Variants in ZNF331 observed in about 807,000 individuals in gnomAD.
ZNF331 encodes C2H2-like zinc finger protein rearranged in thyroid adenomas.
In ZNF331, 2 loss-of-function variants were observed where a neutral mutation model predicts 7.0. The observed-to-expected ratio is 0.29, with a 90% CI of 0.12 to 0.90. The LOEUF is 0.90. Among genes scored for constraint, ZNF331 ranks in the 40% least tolerant of loss-of-function variants. The pLI, the probability that ZNF331 is intolerant of heterozygous loss-of-function variation, is 0.58. For missense variants in ZNF331, 432 were observed against 587.7 expected (o/e 0.74, Z 2.74); for synonymous variants, 196 against 205.4 (o/e 0.95, Z 0.39).
At position 53,577,320 on chromosome 19, in the gene ZNF331, C is replaced by A. The variant is rs767407856; in HGVS notation, c.760C>A (p.Arg254Ser). ...ECKDCGKTFSRVYKLIQHKRI... is the reference protein window; with the variant it reads ...ECKDCGKTFSSVYKLIQHKRI... ...CAAAGACTGTGGGAAGACCTTTAGCCGTGTGTATAAACTTATTCAGCACAA... is the reference window on the plus strand; with the variant it reads ...CAAAGACTGTGGGAAGACCTTTAGCAGTGTGTATAAACTTATTCAGCACAA... Residue 254 changes from arginine (R) to serine (S), a missense_variant, in exon 6 of 6, where the codon CGT becomes AGT. Arg to Ser is a moderately radical substitution (Grantham distance 110). Coordinates refer to ENST00000449416, the MANE Select transcript of ZNF331 (RefSeq NM_001079906.2). The A allele has an allele frequency of 6.2e-7, 1 of 1,611,956 alleles. No homozygotes were observed. The highest frequency in any genetic ancestry group is 8.5e-7 in the Non-Finnish European group (1 of 1,179,568).
At chr19:53,565,988 G>A (rs373488293) in intron 3 of ZNF331, among the ~76,000 whole-genome samples, 4 of 152,096 alleles carry the variant, frequency 2.6e-5, no homozygotes, top group Non-Finnish European at 4.4e-5. Flanking sequence ...TCAAGATCAC[G>A]GGGTGTGTCA....
chr19:53,546,139 G>GAAA, intron 2 of ZNF331, among the ~76,000 whole-genome samples: 1 of 29,880 alleles, frequency 3.3e-5, no homozygotes, highest in South Asian at 9.7e-4. Flanking sequence ...ATCCTGAGGG[G>GAAA]GAAAAAAAAA....
chr19:53,564,722 A>T (rs1313710743), intron 3 of ZNF331, among the ~76,000 whole-genome samples: 1 of 152,138 alleles, frequency 6.6e-6, no homozygotes, highest in Non-Finnish European at 1.5e-5. Flanking sequence ...CTACTATGAG[A>T]TATTTCAGTT....
At chr19:53,544,141 C>T (rs189767215) in intron 2 of ZNF331, among the ~76,000 whole-genome samples, 1,738 of 143,976 alleles carry the variant, frequency 0.012, 12 homozygotes, top group Middle Eastern at 0.054. Flanking sequence ...GCAGGAGAAT[C>T]GCTTGAACCC....
chr19:53,546,156 A>G (rs1329589514), intron 2 of ZNF331, among the ~76,000 whole-genome samples: 1 of 148,440 alleles, frequency 6.7e-6, no homozygotes, highest in South Asian at 2.1e-4. Flanking sequence ...AAAAAAAAAA[A>G]AAAAATTATT....
chr19:53,577,705 C>G lies in ZNF331; in HGVS notation c.1145C>G (p.Pro382Arg), dbSNP rs1490746878. ...GAGAGAATCCACACAGGCGAAACCC[C>G]GTATAAATGTAAGGAGTGTGGGAAG... is the stretch of plus-strand genomic sequence containing the variant. ...QHERIHTGET[P>R]YKCKECGKAF... Residue 382 changes from proline (P) to arginine (R), a missense_variant, in exon 6 of 6, where the codon CCG becomes CGG. Coordinates refer to ENST00000449416, the MANE Select transcript of ZNF331 (RefSeq NM_001079906.2). The G allele has an allele frequency of 6.2e-7, 1 of 1,614,084 alleles. No individual in the cohort carries two copies. Among genetic ancestry groups the G allele is most frequent in the Non-Finnish European group, 8.5e-7 (1 of 1,180,052 alleles).
the ZNF331 span, among the ~76,000 whole-genome samples, chr19:53,505,621 G>A: frequency 1.3e-5 from 2 of 152,184 alleles, no homozygotes; most frequent in African/African-American, 4.8e-5. Context: ...GTGAAGTGTG[G>A]CTGCAAACAG....
At chr19:53,545,922 A>G (rs1410108990) in intron 2 of ZNF331, among the ~76,000 whole-genome samples, 1 of 152,054 alleles carries the variant, frequency 6.6e-6, no homozygotes, top group Non-Finnish European at 1.5e-5. Context: ...CGGGAGCATC[A>G]CGTGTTCTAG....
rs1005769398 is a variant in ZNF331, at chr19:53,542,123, G to A, written c.-138+2841G>A. On this transcript the variant is annotated intron_variant, in intron 2 of 5. Coordinates refer to ENST00000449416, the MANE Select transcript of ZNF331 (RefSeq NM_001079906.2). ...TGAATCTTGCTAATTCATCATAAATGAGTCAGAGACTCCAAATCTTAATTT... is the reference window on the plus strand; with the variant it reads ...TGAATCTTGCTAATTCATCATAAATAAGTCAGAGACTCCAAATCTTAATTT... Among the ~76,000 whole-genome samples, 4 of 152,214 alleles carry A rather than the reference G, an allele frequency of 2.6e-5. No individual in the cohort carries two copies. The East Asian group carries it at 5.8e-4, about 22-fold the overall frequency.
At chr19:53,540,295 G>C (rs1417845114) in intron 2 of ZNF331, among the ~76,000 whole-genome samples, 1 of 152,204 alleles carries the variant, frequency 6.6e-6, no homozygotes, top group Non-Finnish European at 1.5e-5. Context: ...AGCATGGTCA[G>C]GTTCTGATGA....
chr19:53,526,339 A>T (rs909768079), intron 2 of ZNF331, among the ~76,000 whole-genome samples: 3 of 152,136 alleles, frequency 2.0e-5, no homozygotes, highest in Non-Finnish European at 4.4e-5. Flanking sequence ...TTTGAGAAGC[A>T]TTGTATTAGG....
At chr19:53,548,052 C>G (rs995528174) in intron 2 of ZNF331, among the ~76,000 whole-genome samples, 2 of 152,054 alleles carry the variant, frequency 1.3e-5, no homozygotes, top group Non-Finnish European at 2.9e-5. Flanking sequence ...ACCTCAGCCT[C>G]CCAAGTAGCT....
At chr19:53,531,881 A>G in intron 2 of ZNF331, among the ~76,000 whole-genome samples, 1 of 152,176 alleles carries the variant, frequency 6.6e-6, no homozygotes, top group East Asian at 1.9e-4. Context: ...TTCAGCAGTA[A>G]AGGGATTTAT....
At chr19:53,508,084 T>A in the ZNF331 span, among the ~76,000 whole-genome samples, 1 of 152,206 alleles carries the variant, frequency 6.6e-6, no homozygotes, top group African/African-American at 2.4e-5. Flanking sequence ...AACAGTTGCA[T>A]CCGTGATTTA....
the ZNF331 span, among the ~76,000 whole-genome samples, chr19:53,514,207 G>GT: frequency 0.11 from 16,146 of 149,768 alleles, 986 homozygotes; most frequent in Middle Eastern, 0.19. Context: ...TTTTTTCTCT[G>GT]TTTTTTTTTG....
At chr19:53,523,312 G>A (rs535111508) in intron 2 of ZNF331, 12 of 151,674 alleles carry the variant, frequency 7.9e-5, no homozygotes, top group African/African-American at 2.9e-4. Flanking sequence ...TCTGCGTCCT[G>A]GGTTGCAGCG....
chr19:53,555,345 G>A (rs2089318886), intron 2 of ZNF331: 1 of 150,440 alleles, frequency 6.6e-6, no homozygotes, highest in Non-Finnish European at 1.5e-5. Flanking sequence ...TGACGCAGGT[G>A]TGTGTGACAA....
chr19:53,509,595 A>G, the ZNF331 span, among the ~76,000 whole-genome samples: 96 of 152,342 alleles, frequency 6.3e-4, no homozygotes, highest in African/African-American at 2.3e-3. Context: ...GAGATTATTT[A>G]GAGCAGGCAG....
In ZNF331 at chr19:53,539,513, A is replaced by G. The variant is rs1350613392; in HGVS notation, c.-138+231A>G. 1 of 152,090 alleles carries G rather than the reference A, an allele frequency of 6.6e-6. No individual in the cohort carries two copies. The highest frequency in any genetic ancestry group is 1.5e-5 in the Non-Finnish European group (1 of 68,018). The allele number at this position is 152,090 out of a possible 1,614,324, so 9.4% of individuals were successfully genotyped here. A position where few individuals can be genotyped will look rare whatever the true frequency, so the allele number is the denominator to read the frequency against. ...TGCTGCTGTTTTGTGCTAAGTCTGG[A>G]TGTCTGTACATCAGGAGCAACGTAC... On this transcript the variant is annotated intron_variant, in intron 2 of 5. Transcript: ENST00000449416. This position sits in a 1 kb window ranked among gnomAD's most constrained non-coding sequence, Gnocchi z 6.1.
Sources: allele counts gnomAD v4.1 joint callset (sites outside exome capture counted in the v4.1 genomes callset), GRCh38; gene constraint gnomAD v4.1.1; non-coding constraint Gnocchi (gnomAD v3.1); transcripts MANE v1.5; gene names NCBI Gene and HGNC (gene_info 2026-07-23, HGNC 2026-07-21).